RRP1: variants seen among roughly 807,000 people sequenced by gnomAD.
RRP1 encodes the protein ribosomal RNA processing 1, also known as ribosomal RNA processing protein 1 homolog A.
A neutral mutation model predicts 54.6 loss-of-function variants in RRP1; 37 were observed. The observed-to-expected ratio is 0.68, with a 90% confidence interval of 0.52 to 0.89. The LOEUF is 0.89. RRP1 is among the 40% of genes least tolerant of loss of function. RRP1 has a pLI of 0.00. For synonymous variants in RRP1, 262 were observed against 244.3 expected (o/e 1.07, Z -0.67); for missense variants, 639 against 612.5 (o/e 1.04, Z -0.46).
chr21:43,794,935 T>C (rs1232501474), intron 4 of RRP1, among the ~76,000 whole-genome samples: 3 of 152,014 alleles, frequency 2.0e-5, no homozygotes, highest in Non-Finnish European at 2.9e-5. Context: ...CGACCCCCCA[T>C]GCACCTGCTT....
At chr21:43,792,598 G>A in intron 2 of RRP1, 74 bp from the exon 3 acceptor site, 1 of 1,409,232 alleles carries the variant, frequency 7.1e-7, no homozygotes, top group Admixed American at 1.7e-5. Flanking sequence ...TGGGTGAGTG[G>A]GTGGTTGCGT....
At chr21:43,798,491 C>T (rs1007950260) in intron 8 of RRP1, among the ~76,000 whole-genome samples, 1 of 152,178 alleles carries the variant, frequency 6.6e-6, no homozygotes, top group African/African-American at 2.4e-5. Context: ...CAACGCAGTC[C>T]TCCCCATAGC....
chr21:43,802,260 G>T lies in RRP1; in HGVS notation c.1010-14G>T, dbSNP rs375546897. 10 of 1,606,354 alleles carry T rather than the reference G, an allele frequency of 6.2e-6. No homozygotes were observed. In the Admixed American group the frequency reaches 1.7e-4, roughly 27 times the overall value. ...AGCCCCCGAGAGCCCCCTGACTTCT[G>T]CCCTGGTTCTCAGGCATTTTCCCTG... On this transcript the variant is annotated splice_polypyrimidine_tract_variant and intron_variant, in intron 11 of 12. Coordinates refer to ENST00000497547, the MANE Select transcript of RRP1 (RefSeq NM_003683.6).
chr21:43,795,331 AAGG>A (rs2085008192), intron 5 of RRP1, 81 bp downstream of exon 5: 2 of 1,365,106 alleles, frequency 1.5e-6, no homozygotes, highest in South Asian at 1.2e-5. Context: ...TCTTTGCCAT[AAGG>A]AGATGTCAGC....
At chr21:43,800,204 G>A (rs907085188) in intron 9 of RRP1, among the ~76,000 whole-genome samples, 24 of 152,372 alleles carry the variant, frequency 1.6e-4, no homozygotes, top group African/African-American at 5.5e-4. Context: ...TGTCTGTGTG[G>A]TTCCTAGAGT....
chr21:43,800,748 G>A (rs888827531), intron 10 of RRP1, 114 bp from the exon 11 acceptor site: 26 of 1,439,620 alleles, frequency 1.8e-5, no homozygotes, highest in Middle Eastern at 2.2e-4. Flanking sequence ...CCCTGAGACC[G>A]TCCCCAGCCC....
intron 8 of RRP1, among the ~76,000 whole-genome samples, 174 bp downstream of exon 8, chr21:43,798,274 G>A (rs2085045214): frequency 6.6e-6 from 1 of 152,094 alleles, no homozygotes; most frequent in Non-Finnish European, 1.5e-5. Flanking sequence ...CCAAGCACAC[G>A]TCGTTTCCCC....
chr21:43,800,014 G>T (rs984462967), intron 9 of RRP1, among the ~76,000 whole-genome samples: 8 of 152,256 alleles, frequency 5.3e-5, no homozygotes. Context: ...GAATGAGATG[G>T]CATGTGCCAA....
chr21:43,792,845 G>A, intron 3 of RRP1, 116 bp downstream of exon 3: 2 of 1,056,600 alleles, frequency 1.9e-6, no homozygotes, highest in Non-Finnish European at 2.9e-6. Context: ...ATGCCTAAGG[G>A]CAAGAGAGCG....
intron 7 of RRP1, 22 bp from the exon 8 acceptor site, chr21:43,797,865 AGCATAACGGGCCTGCTCACC>A (rs1401139342): frequency 6.3e-7 from 1 of 1,592,958 alleles, no homozygotes; most frequent in East Asian, 2.2e-5. Context: ...TTGGGAATCC[AGCATAACGGGCCTGCTCACC>A]GGCCTCTGCT....
chr21:43,796,030 G>A (rs1272996393), intron 5 of RRP1, among the ~76,000 whole-genome samples: 2 of 152,124 alleles, frequency 1.3e-5, no homozygotes, highest in African/African-American at 4.8e-5. Flanking sequence ...GGCTGGTTAT[G>A]GTGGGTTAAG....
At chr21:43,793,281 C>T in intron 3 of RRP1, 38 bp from the exon 4 acceptor site, 5 of 1,593,828 alleles carry the variant, frequency 3.1e-6, no homozygotes, top group Non-Finnish European at 4.3e-6. Flanking sequence ...TGGCTTCGTG[C>T]TCCTCAGTGG....
chr21:43,790,007 TTTCCTAGCTCAGGCGTCCCCTCCCTCCA>T (rs1411792641), intron 1 of RRP1, among the ~76,000 whole-genome samples: 1 of 152,208 alleles, frequency 6.6e-6, no homozygotes, highest in Non-Finnish European at 1.5e-5. Context: ...CCGTAACCCC[TTTCCTAGCTCAGGCGTCCCCTCCCTCCA>T]GTAGACCATG....
At chr21:43,789,910 C>T (rs2084939246) in intron 1 of RRP1, 148 bp downstream of exon 1, 5 of 1,001,678 alleles carry the variant, frequency 5.0e-6, no homozygotes, top group Non-Finnish European at 5.4e-6. Flanking sequence ...GGCCTGTTCC[C>T]GCTGTTACCG....
chr21:43,795,806 C>G (rs1179114266), intron 5 of RRP1, among the ~76,000 whole-genome samples: 1 of 152,140 alleles, frequency 6.6e-6, no homozygotes. Flanking sequence ...CCTGCCTAGG[C>G]CTCCCAAGTT....
chr21:43,795,048 GGGGGCCGGCTGTGTGCT>G (rs778172747), intron 4 of RRP1, 124 bp from the exon 5 acceptor site: 1 of 764,130 alleles, frequency 1.3e-6, no homozygotes. Flanking sequence ...CAGCAGCTCT[GGGGGCCGGCTGTGTGCT>G]GGGGCCGGCA....
rs769456544 is a variant in RRP1, at chr21:43,799,551, G to A, written c.812-19G>A. The A allele has an allele frequency of 3.1e-6, 5 of 1,599,716 alleles. No homozygotes were observed. Among genetic ancestry groups the A allele is most frequent in the Admixed American group, 1.7e-5 (1 of 58,066 alleles). Reference sequence around the variant, plus strand: ...CACGTTGGGCACAGGTAGGGTTCACGGGGTCCCTTTTGTTCCAGGCTCCAT... The same window carrying A: ...CACGTTGGGCACAGGTAGGGTTCACAGGGTCCCTTTTGTTCCAGGCTCCAT... On this transcript the variant is annotated intron_variant, in intron 8 of 12. Coordinates refer to ENST00000497547, the MANE Select transcript of RRP1 (RefSeq NM_003683.6).
At position 43,803,993 on chromosome 21, in the gene RRP1, C is replaced by T; in HGVS notation, c.*219C>T. ...AGCCTCCGCCTGTGGCTGTGATGAC[C>T]TTGGGCCAGAAGGTCAAACTCCGAA... On this transcript the variant is annotated 3_prime_UTR_variant, in exon 13 of 13. Coordinates refer to ENST00000497547, the MANE Select transcript of RRP1 (RefSeq NM_003683.6). 1 of 558,784 alleles carries T rather than the reference C, an allele frequency of 1.8e-6. No homozygotes were observed. Among genetic ancestry groups the T allele is most frequent in the Non-Finnish European group, 3.0e-6 (1 of 333,898 alleles). The allele number at this position is 558,784 out of a possible 1,614,324, so 34.6% of individuals were successfully genotyped here.
chr21:43,802,777 C>T (rs1203703989), intron 12 of RRP1, among the ~76,000 whole-genome samples: 1 of 152,234 alleles, frequency 6.6e-6, no homozygotes, highest in East Asian at 1.9e-4. Flanking sequence ...TCCACTTCTT[C>T]CCTCCACTTC....
Sources: gnomAD v4.1 joint callset for allele counts (sites outside exome capture counted in the v4.1 genomes callset) on GRCh38, gnomAD v4.1.1 for gene constraint, MANE v1.5 for transcripts, NCBI Gene and HGNC (gene_info 2026-07-23, HGNC 2026-07-21) for gene names.